SOHLH1: variants seen among roughly 807,000 people sequenced by gnomAD.
SOHLH1 encodes the protein spermatogenesis- and oogenesis-specific basic helix-loop-helix-containing protein 1.
In SOHLH1, 23 loss-of-function variants were observed where a neutral mutation model predicts 36.2. That is an observed-to-expected ratio of 0.64 (90% confidence interval 0.46 to 0.90). The LOEUF (loss-of-function observed/expected upper bound fraction) is 0.90, where lower values mean the gene tolerates loss of function less well. Ranked by LOEUF, SOHLH1 falls within the 40% of genes least tolerant of loss-of-function variation. The pLI is 0.00. For missense variants in SOHLH1, 608 were observed against 517.0 expected (o/e 1.18, Z -1.71); for synonymous variants, 289 against 228.3 (o/e 1.27, Z -2.40).
rs1376998650 is a variant in SOHLH1 at position 135,698,321 on chromosome 9, C to A, written c.345+8G>T. On this transcript the variant is annotated splice_region_variant and intron_variant, in intron 3 of 7. Coordinates refer to ENST00000425225, the MANE Select transcript of SOHLH1 (RefSeq NM_001101677.2). ...GGAGGACTGACGGCGTCTACCCTTA[C>A]AACTCACAGCGTGCTGCTCCTGACT... 9.3e-6 allele frequency: 15 copies of A among 1,612,986 alleles called. No individual in the cohort carries two copies. The South Asian group carries it at 1.1e-4, about 12-fold the overall frequency.
chr9:135,702,109 G>C, upstream of SOHLH1: 1 of 618,400 alleles, frequency 1.6e-6, no homozygotes, highest in Non-Finnish European at 2.7e-6. Flanking sequence ...GGGCGCGCGC[G>C]GACAGACGCC....
In SOHLH1 at chr9:135,693,633, C is replaced by T; in HGVS notation, c.1128G>A (p.Glu376=). ...AGAAGTCAGGGAAGATGCTCTCCACCTCGTCCTTCAGGGCCAGGCCTGCAC... is the reference window on the plus strand; with the variant it reads ...AGAAGTCAGGGAAGATGCTCTCCACTTCGTCCTTCAGGGCCAGGCCTGCAC... ...VDCAGLALKD[E]VESIFPDFFA... The change falls in exon 8 of 8, where the codon GAG becomes GAA. Residue 376 remains glutamate, a synonymous_variant. Transcript: ENST00000425225. The T allele has an allele frequency of 1.3e-6, 2 of 1,586,664 alleles. No homozygotes were observed. The highest frequency in any genetic ancestry group is 1.7e-6 in the Non-Finnish European group (2 of 1,166,814).
At chr9:135,697,268 C>G (rs1834841485) in intron 4 of SOHLH1, among the ~76,000 whole-genome samples, 1 of 152,232 alleles carries the variant, frequency 6.6e-6, no homozygotes, top group Non-Finnish European at 1.5e-5. Context: ...CACCTCCCAC[C>G]TCCACACCAG....
At chr9:135,697,663 G>A (rs1269832182) in intron 3 of SOHLH1, 36 bp from the exon 4 acceptor site, 5 of 1,599,242 alleles carry the variant, frequency 3.1e-6, no homozygotes, top group African/African-American at 1.3e-5. Context: ...CAAAGACAGA[G>A]ACAGTCAGCT....
chr9:135,693,856 C>T, intron 7 of SOHLH1, 42 bp from the exon 8 acceptor site: 4 of 1,524,162 alleles, frequency 2.6e-6, no homozygotes, highest in Non-Finnish European at 3.5e-6. Flanking sequence ...GGCAGGTGCT[C>T]TGGGAGCTTG....
At chr9:135,694,293 C>T (rs1350646954) in intron 7 of SOHLH1, 94 bp downstream of exon 7, 11 of 1,592,330 alleles carry the variant, frequency 6.9e-6, no homozygotes, top group Non-Finnish European at 8.5e-6. Context: ...GACCCTGGGG[C>T]CCCCTGACAC....
At chr9:135,694,083 C>T (rs553987969) in intron 7 of SOHLH1, 440 of 1,427,018 alleles carry the variant, frequency 3.1e-4, no homozygotes, top group East Asian at 1.0e-3. Context: ...ACACCTTTGC[C>T]GGCCAGCACG....
At chr9:135,696,849 C>A in intron 4 of SOHLH1, 44 bp from the exon 5 acceptor site, 1 of 1,603,310 alleles carries the variant, frequency 6.2e-7, no homozygotes, top group African/African-American at 1.3e-5. Flanking sequence ...TATTCCCCAG[C>A]CCCCTGGAAG....
intron 6 of SOHLH1, 95 bp from the exon 7 acceptor site, chr9:135,694,552 C>G (rs904300378): frequency 6.6e-7 from 1 of 1,520,882 alleles, no homozygotes; most frequent in Non-Finnish European, 8.9e-7. Flanking sequence ...AAGGCAGCTT[C>G]GAATGCAAAG....
intron 6 of SOHLH1, among the ~76,000 whole-genome samples, chr9:135,694,731 CCCCCT>C (rs1387139209): frequency 6.7e-6 from 1 of 149,820 alleles, no homozygotes; most frequent in African/African-American, 2.4e-5. Flanking sequence ...TCCCCTCCCT[CCCCCT>C]CCCCTCCCCC....
At chr9:135,694,534 G>A (rs920904784) in intron 6 of SOHLH1, 77 bp from the exon 7 acceptor site, 84 of 1,569,862 alleles carry the variant, frequency 5.4e-5, no homozygotes, top group Non-Finnish European at 6.8e-5. Context: ...TTGGGCCCAA[G>A]TCCTGCAAAG....
rs943083890 is a variant in SOHLH1, at chr9:135,696,510, C to T, written c.661+102G>A. ...CCAACACAAGGGCCTGGGAAAACTT[C>T]GAACCCCGTTTGCAAACAGCCCCCA... On this transcript the variant is annotated intron_variant, in intron 5 of 7. Coordinates refer to ENST00000425225, the MANE Select transcript of SOHLH1 (RefSeq NM_001101677.2). 34 of 1,234,010 alleles carry T rather than the reference C, an allele frequency of 2.8e-5. No homozygotes were observed. In the African/African-American group the frequency reaches 5.3e-4, roughly 19 times the overall value. The allele number at this position is 1,234,010 out of a possible 1,614,324, so 76.4% of individuals were successfully genotyped here. A position where few individuals can be genotyped will look rare whatever the true frequency, so the allele number is the denominator to read the frequency against.
intron 1 of SOHLH1, 29 bp downstream of exon 1, chr9:135,699,374 A>C (rs757622582): frequency 6.2e-7 from 1 of 1,601,510 alleles, no homozygotes; most frequent in Non-Finnish European, 8.5e-7. Context: ...TGGGCCCCCA[A>C]CCCCTTGGCC....
At chr9:135,694,204 ATATCACC>A in intron 7 of SOHLH1, 176 bp downstream of exon 7, 1 of 1,448,020 alleles carries the variant, frequency 6.9e-7, no homozygotes, top group Non-Finnish European at 9.1e-7. Context: ...ACACACTCAC[ATATCACC>A]TATAACGCTC....
At chr9:135,701,310 C>T (rs1480820552), upstream of SOHLH1, among the ~76,000 whole-genome samples, 5 of 152,142 alleles carry the variant, frequency 3.3e-5, no homozygotes, top group Admixed American at 1.3e-4. Flanking sequence ...ACTGGGGAGG[C>T]CAGGGACCAC....
At chr9:135,701,638 G>T (rs561554378), upstream of SOHLH1, among the ~76,000 whole-genome samples, 86 of 152,310 alleles carry the variant, frequency 5.6e-4, no homozygotes, top group African/African-American at 2.1e-3. Context: ...AGCACAGGGC[G>T]GGGTGCAGTC....
Position 135,695,153 on chromosome 9 carries a change from C to A in SOHLH1, c.772G>T (p.Gly258Trp). Residue 258 changes from glycine (G) to tryptophan (W), a missense_variant, in exon 6 of 8, where the codon GGG becomes TGG. By Grantham distance (184) the Gly-to-Trp change is radical. Coordinates refer to ENST00000425225, the MANE Select transcript of SOHLH1 (RefSeq NM_001101677.2). ...SQQQTLPVMSGEALGWLGQAG... is the reference protein window; with the variant it reads ...SQQQTLPVMSWEALGWLGQAG... ...TGGCCCAGCCAGCCAAGGGCCTCCCCGCTCATCACGGGCAAGGTCTGCTGC... is the reference window on the plus strand; with the variant it reads ...TGGCCCAGCCAGCCAAGGGCCTCCCAGCTCATCACGGGCAAGGTCTGCTGC... The A allele has an allele frequency of 6.2e-7, 1 of 1,600,612 alleles. No individual in the cohort carries two copies. The highest frequency in any genetic ancestry group is 2.3e-5 in the East Asian group (1 of 44,338).
chr9:135,697,772 T>A (rs995178239), intron 3 of SOHLH1, 145 bp from the exon 4 acceptor site: 3 of 994,062 alleles, frequency 3.0e-6, no homozygotes, highest in Admixed American at 2.1e-5. Context: ...GAGTACAGGT[T>A]GACAACGAGG....
chr9:135,697,535 G>A lies in SOHLH1; in HGVS notation c.438C>T (p.Asp146=), dbSNP rs778234207. Reference sequence around the variant, plus strand: ...TCCCGCTGGACGCTCCCGTCCCAGGGTCTGGCACACCTGCTTGAATCTGAC... The same window carrying A: ...TCCCGCTGGACGCTCCCGTCCCAGGATCTGGCACACCTGCTTGAATCTGAC... The part of the protein sequence containing the change: ...LSSQIQAGVP[D]PGTGASSGTR... Residue 146 remains aspartate, a synonymous_variant, in exon 4 of 8, where the codon GAC becomes GAT. Coordinates refer to ENST00000425225, the MANE Select transcript of SOHLH1 (RefSeq NM_001101677.2). 4 of 1,612,306 alleles carry A rather than the reference G, an allele frequency of 2.5e-6. No individual in the cohort carries two copies. The highest frequency in any genetic ancestry group is 1.3e-5 in the African/African-American group (1 of 74,936).
Sources: gnomAD v4.1 joint callset for allele counts (sites outside exome capture counted in the v4.1 genomes callset) on GRCh38, gnomAD v4.1.1 for gene constraint, MANE v1.5 for transcripts, NCBI Gene and HGNC (gene_info 2026-07-23, HGNC 2026-07-21) for gene names.